The following PTPRD variants were observed in gnomAD, a reference collection of about 807,000 sequenced individuals.
The protein encoded by PTPRD is protein tyrosine phosphatase receptor type D.
In PTPRD, 34 loss-of-function variants were observed where a neutral mutation model predicts 214.5. The ratio of observed to expected loss-of-function variants is 0.16; its 90% CI spans 0.12 to 0.21. PTPRD has a LOEUF of 0.21. PTPRD is among the 10% of genes least tolerant of loss of function. The probability of loss-of-function intolerance (pLI) is 1.00; values close to 1 mark genes in which losing one functional copy is unlikely to be tolerated. For synonymous variants in PTPRD, 1,128 were observed against 845.7 expected, an observed-to-expected ratio of 1.33 and a Z score of -5.79; for missense variants, 2,545 against 2,398.7, an observed-to-expected ratio of 1.06 and a Z score of -1.27.
chr9:8,585,696 T>A (rs2093598048), intron 14 of PTPRD, among the ~76,000 whole-genome samples: 1 of 152,202 alleles, frequency 6.6e-6, no homozygotes, highest in African/African-American at 2.4e-5. Flanking sequence ...GGTAAAACTA[T>A]ATGAATGTCT....
At chr9:9,634,867 G>A (rs1018594849) in intron 7 of PTPRD, among the ~76,000 whole-genome samples, 1 of 152,152 alleles carries the variant, frequency 6.6e-6, no homozygotes, top group African/African-American at 2.4e-5. Flanking sequence ...TTTATGTTGA[G>A]TACTTGTGCT....
At chr9:10,285,178 C>T (rs991325673) in intron 3 of PTPRD, among the ~76,000 whole-genome samples, 1 of 152,026 alleles carries the variant, frequency 6.6e-6, no homozygotes, top group Non-Finnish European at 1.5e-5. Context: ...TGTAAAATAA[C>T]CCAGTCCTCC....
At chr9:8,617,936 T>C (rs962367782) in intron 14 of PTPRD, among the ~76,000 whole-genome samples, 7 of 152,120 alleles carry the variant, frequency 4.6e-5, no homozygotes, top group African/African-American at 1.7e-4. Flanking sequence ...TTGCTCATTT[T>C]TTAAAAAAAT....
intron 9 of PTPRD, among the ~76,000 whole-genome samples, chr9:9,216,421 A>G (rs187499827): frequency 6.6e-6 from 1 of 152,174 alleles, no homozygotes; most frequent in Admixed American, 6.6e-5. Flanking sequence ...AAAATATGTA[A>G]TCCTGAGCCT....
At chr9:8,603,281 C>G (rs2094980676) in intron 14 of PTPRD, among the ~76,000 whole-genome samples, 2 of 152,038 alleles carry the variant, frequency 1.3e-5, no homozygotes, top group Admixed American at 6.6e-5. Context: ...TTAGATTAAA[C>G]TGGATTTAAA....
intron 30 of PTPRD, among the ~76,000 whole-genome samples, chr9:8,482,251 C>T (rs1401081920): frequency 6.7e-6 from 1 of 150,300 alleles, no homozygotes; most frequent in Non-Finnish European, 1.5e-5. Context: ...CCATATTTTA[C>T]TCTCTTGATC....
At chr9:8,823,926 T>C (rs934175647) in intron 11 of PTPRD, among the ~76,000 whole-genome samples, 1 of 152,222 alleles carries the variant, frequency 6.6e-6, no homozygotes, top group South Asian at 2.1e-4. Flanking sequence ...TATTTCTTGA[T>C]GATATGCTAA....
In PTPRD at chr9:9,938,550, C is replaced by T. The variant is rs2090372183; in HGVS notation, c.-411G>A. On this transcript the variant is annotated 5_prime_UTR_variant, in exon 5 of 46. Transcript: ENST00000381196. ...GCTTCCCTCGGTGCCAACATGCTGTCAGTCAGACACCTCTAACTGGAATAT... is the reference window on the plus strand; with the variant it reads ...GCTTCCCTCGGTGCCAACATGCTGTTAGTCAGACACCTCTAACTGGAATAT... The T allele has an allele frequency of 6.6e-6, 1 of 152,124 alleles. No homozygotes were observed. Among genetic ancestry groups the T allele is most frequent in the African/African-American group, 2.4e-5 (1 of 41,424 alleles). The allele number at this position is 152,124 out of a possible 1,614,324, so 9.4% of individuals were successfully genotyped here. A position where few individuals can be genotyped will look rare whatever the true frequency, so the allele number is the denominator to read the frequency against.
At chr9:10,028,216 C>A (rs1317224226) in intron 4 of PTPRD, among the ~76,000 whole-genome samples, 1 of 152,176 alleles carries the variant, frequency 6.6e-6, no homozygotes, top group East Asian at 1.9e-4. Context: ...ATGCGTTTCA[C>A]CTTCTGCCAT....
intron 14 of PTPRD, among the ~76,000 whole-genome samples, chr9:8,546,734 A>C (rs2080281881): frequency 6.6e-6 from 1 of 152,012 alleles, no homozygotes; most frequent in Admixed American, 6.6e-5. Flanking sequence ...TCCTGACCTC[A>C]AGTGATCTGC....
intron 3 of PTPRD, among the ~76,000 whole-genome samples, chr9:10,059,208 G>T (rs1032426056): frequency 6.6e-6 from 1 of 152,042 alleles, no homozygotes; most frequent in Non-Finnish European, 1.5e-5. Flanking sequence ...AGCCTGAACT[G>T]GAAAAGGGGA....
intron 10 of PTPRD, among the ~76,000 whole-genome samples, chr9:9,036,334 T>C: frequency 6.6e-6 from 1 of 151,278 alleles, no homozygotes; most frequent in Non-Finnish European, 1.5e-5. Context: ...CTTACATAAA[T>C]AAAATAAAAT....
intron 5 of PTPRD, among the ~76,000 whole-genome samples, chr9:9,832,314 A>T (rs1254822039): frequency 6.6e-6 from 1 of 152,046 alleles, no homozygotes; most frequent in African/African-American, 2.4e-5. Context: ...CAGCCTGCTA[A>T]GAAAATACCC....
intron 9 of PTPRD, among the ~76,000 whole-genome samples, chr9:9,246,257 A>C (rs1339731208): frequency 6.6e-6 from 1 of 152,010 alleles, no homozygotes; most frequent in Non-Finnish European, 1.5e-5. Flanking sequence ...ATATGTCTCG[A>C]AACTAATACT....
At chr9:8,969,870 G>T (rs1371849407) in intron 11 of PTPRD, among the ~76,000 whole-genome samples, 2 of 151,886 alleles carry the variant, frequency 1.3e-5, no homozygotes, top group South Asian at 2.1e-4. Flanking sequence ...TAAAGCAGGA[G>T]ATAGATATCC....
intron 9 of PTPRD, among the ~76,000 whole-genome samples, chr9:9,385,889 C>G (rs2063720919): frequency 6.6e-6 from 1 of 152,054 alleles, no homozygotes; most frequent in Non-Finnish European, 1.5e-5. Context: ...AACTATGACT[C>G]CAGTCTTATG....
At chr9:9,956,209 T>C (rs182458857) in intron 4 of PTPRD, among the ~76,000 whole-genome samples, 1 of 152,148 alleles carries the variant, frequency 6.6e-6, no homozygotes, top group African/African-American at 2.4e-5. Flanking sequence ...CTTTTTGTTC[T>C]TTATGGGGAA....
At position 8,389,420 on chromosome 9, in the gene PTPRD, G is replaced by C. The variant is rs758223265; in HGVS notation, c.4211-13C>G. ...CTTCCTGGGATCCCTGGAAAACAAGGAGTGTTATTCAACCAGGTGAGCACA... is the reference window on the plus strand; with the variant it reads ...CTTCCTGGGATCCCTGGAAAACAAGCAGTGTTATTCAACCAGGTGAGCACA... On this transcript the variant is annotated splice_polypyrimidine_tract_variant and intron_variant, in intron 36 of 45. Transcript: ENST00000381196. 6.2e-7 allele frequency: 1 copy of C among 1,601,278 alleles called. No individual in the cohort carries two copies. The highest frequency in any genetic ancestry group is 2.2e-5 in the East Asian group (1 of 44,484).
intron 44 of PTPRD, 144 bp downstream of exon 44, chr9:8,331,438 A>G: frequency 4.1e-6 from 4 of 969,934 alleles, no homozygotes; most frequent in Non-Finnish European, 4.4e-6. Flanking sequence ...TTATGAAAAG[A>G]AAGAGAAATC....
Sources: allele counts gnomAD v4.1 joint callset (sites outside exome capture counted in the v4.1 genomes callset), GRCh38; gene constraint gnomAD v4.1.1; transcripts MANE v1.5; gene names NCBI Gene and HGNC (gene_info 2026-07-23, HGNC 2026-07-21).